The following CR1 variants were observed in gnomAD, a reference collection of about 807,000 sequenced individuals.
CR1 encodes the protein complement receptor type 1.
Under a neutral mutation model 187.3 loss-of-function variants are expected in CR1, and 116 were observed. The ratio of observed to expected loss-of-function variants is 0.62; its 90% CI spans 0.53 to 0.72. CR1 has a LOEUF of 0.72. Ranked by LOEUF, CR1 falls within the 30% of genes least tolerant of loss-of-function variation. The pLI is 0.00. For synonymous variants in CR1, 576 were observed against 747.1 expected, an observed-to-expected ratio of 0.77 and a Z score of 3.73; for missense variants, 1,731 against 2,110.7, an observed-to-expected ratio of 0.82 and a Z score of 3.52.
intron 35 of CR1, among the ~76,000 whole-genome samples, chr1:207,589,569 A>G (rs1159310134): frequency 6.6e-6 from 1 of 152,216 alleles, no homozygotes; most frequent in African/African-American, 2.4e-5. Flanking sequence ...AAAGGATCAC[A>G]ACTCCTTGCC....
intron 1 of CR1, among the ~76,000 whole-genome samples, chr1:207,502,286 A>AAAAGCAAAT (rs1659294684): frequency 6.6e-6 from 1 of 152,214 alleles, no homozygotes; most frequent in Non-Finnish European, 1.5e-5. Context: ...ACAATTATTG[A>AAAAGCAAAT]TATGAAAGGA....
chr1:207,599,289 A>C (rs1036576533), intron 35 of CR1, among the ~76,000 whole-genome samples: 6 of 152,240 alleles, frequency 3.9e-5, no homozygotes, highest in African/African-American at 1.4e-4. Flanking sequence ...GGGAAATGCA[A>C]ATTAAAGCAA....
chr1:207,506,683 T>C, intron 2 of CR1, 31 bp from the exon 3 acceptor site: 7 of 1,600,606 alleles, frequency 4.4e-6, no homozygotes, highest in Non-Finnish European at 6.0e-6. Context: ...TTTACTCTAC[T>C]TGGCTCCAAA....
chr1:207,526,479 C>CTG (rs1481848445), intron 5 of CR1, among the ~76,000 whole-genome samples: 1 of 150,834 alleles, frequency 6.6e-6, no homozygotes, highest in Non-Finnish European at 1.5e-5. Context: ...CTAGAAGGAA[C>CTG]TGTCCATTGT....
At chr1:207,608,312 CTGAT>C (rs1265913682) in intron 36 of CR1, among the ~76,000 whole-genome samples, 1 of 152,158 alleles carries the variant, frequency 6.6e-6, no homozygotes, top group African/African-American at 2.4e-5. Flanking sequence ...AGCTACATGA[CTGAT>C]TATTATTCAG....
chr1:207,591,906 A>G (rs186166809), intron 35 of CR1, among the ~76,000 whole-genome samples: 302 of 152,354 alleles, frequency 2.0e-3, no homozygotes, highest in Non-Finnish European at 3.1e-3. Flanking sequence ...AAGAAGTCGA[A>G]TCCCTGAATA....
intron 42 of CR1, among the ~76,000 whole-genome samples, chr1:207,619,376 CAAAAAAA>C (rs67078800): frequency 2.2e-5 from 2 of 92,656 alleles, no homozygotes; most frequent in Non-Finnish European, 4.4e-5. Context: ...CAGTGAGACT[CAAAAAAA>C]AAAAAAAAAA....
At chr1:207,633,120 C>T (rs1309774015) in intron 46 of CR1, among the ~76,000 whole-genome samples, 1 of 152,148 alleles carries the variant, frequency 6.6e-6, no homozygotes, top group Non-Finnish European at 1.5e-5. Context: ...ACTTTTCCGC[C>T]TTTCTTTCTA....
intron 1 of CR1, among the ~76,000 whole-genome samples, chr1:207,500,069 G>A (rs61822963): frequency 0.095 from 14,383 of 152,094 alleles, 779 homozygotes; most frequent in African/African-American, 0.15. Context: ...ATCACAACTC[G>A]ATGAAACCAA....
At chr1:207,500,351 G>A (rs756143846) in intron 1 of CR1, among the ~76,000 whole-genome samples, 1 of 151,966 alleles carries the variant, frequency 6.6e-6, no homozygotes, top group African/African-American at 2.4e-5. Context: ...ACTGATAGAG[G>A]TGCCTAAGCA....
chr1:207,522,990 T>C (rs1660044955), intron 4 of CR1, among the ~76,000 whole-genome samples: 1 of 152,142 alleles, frequency 6.6e-6, no homozygotes, highest in Non-Finnish European at 1.5e-5. Context: ...ATGAAATGAG[T>C]TGGTAAGCTT....
At chr1:207,514,344 G>A (rs1241681391) in intron 4 of CR1, among the ~76,000 whole-genome samples, 2 of 151,924 alleles carry the variant, frequency 1.3e-5, no homozygotes, top group Non-Finnish European at 2.9e-5. Flanking sequence ...AAAGTTGTGT[G>A]TTATGGTCTG....
intron 35 of CR1, chr1:207,606,320 G>A (rs995173263): frequency 7.2e-5 from 11 of 152,238 alleles, no homozygotes; most frequent in African/African-American, 2.7e-4. Flanking sequence ...GTAAGGAAAG[G>A]TGAGAAGTGA....
chr1:207,619,841 A>G (rs896521734), intron 42 of CR1, 39 bp from the exon 43 acceptor site: 18 of 1,525,960 alleles, frequency 1.2e-5, no homozygotes, highest in Admixed American at 4.1e-5. Context: ...GACAATCAAC[A>G]ATAAAATATC....
At chr1:207,564,793 C>G (rs1660441878) in intron 23 of CR1, among the ~76,000 whole-genome samples, 1 of 149,858 alleles carries the variant, frequency 6.7e-6, no homozygotes. Context: ...GAGTGAAACT[C>G]CATCTCAGGA....
chr1:207,573,155 G>A lies in CR1; in HGVS notation c.4452-2440G>A, dbSNP rs1052790640. On this transcript the variant is annotated intron_variant, in intron 27 of 46. Coordinates refer to ENST00000367049, the MANE Select transcript of CR1 (RefSeq NM_000651.6). Reference sequence around the variant, plus strand: ...CAGGCATCAGGTGCTCACAGCACACGGTCCAGCTGTTGGTGCTCACCCTTG... The same window carrying A: ...CAGGCATCAGGTGCTCACAGCACACAGTCCAGCTGTTGGTGCTCACCCTTG... Among the ~76,000 whole-genome samples the A allele has an allele frequency of 3.9e-5, 6 of 152,138 alleles. No individual in the cohort carries two copies. In the East Asian group the frequency reaches 5.8e-4, roughly 15 times the overall value.
At position 207,618,643 on chromosome 1, in the gene CR1, G is replaced by C. The variant is rs182833550; in HGVS notation, c.7066+396G>C. The stretch of plus-strand genomic sequence containing the variant: ...GGTTTGTATCTAGGAAAAAAATATT[G>C]TAGGCTTAATTTTGAGACTATTACA... On this transcript the variant is annotated intron_variant, in intron 42 of 46. Coordinates refer to ENST00000367049, the MANE Select transcript of CR1 (RefSeq NM_000651.6). Among the ~76,000 whole-genome samples, 63 of 152,260 alleles carry C rather than the reference G, an allele frequency of 4.1e-4. 2 individuals carry two copies. Among genetic ancestry groups the C allele is most frequent in the African/African-American group, 1.4e-3 (60 of 41,542 alleles).
rs1660720212 is a variant in CR1, at chr1:207,575,648, C to T, written c.4505C>T (p.Ala1502Val). The change falls in exon 28 of 47, where the codon GCC (alanine) becomes GTC (valine). Residue 1502 changes from alanine to valine, a missense_variant. Transcript: ENST00000367049. ...SAECILSGNT[A>V]HWSTKPPICQ... Reference sequence around the variant, plus strand: ...GAATGTATCCTCTCAGGCAATACTGCCCATTGGAGCACGAAGCCGCCAATT... The same window carrying T: ...GAATGTATCCTCTCAGGCAATACTGTCCATTGGAGCACGAAGCCGCCAATT... The T allele has an allele frequency of 1.9e-6, 3 of 1,611,678 alleles. No homozygotes were observed. The highest frequency in any genetic ancestry group is 2.2e-5 in the East Asian group (1 of 44,892).
chr1:207,581,521 GGTT>G (rs1180186035), intron 31 of CR1, among the ~76,000 whole-genome samples: 4 of 148,142 alleles, frequency 2.7e-5, no homozygotes, highest in African/African-American at 1.0e-4. Flanking sequence ...ATATTCTAGG[GGTT>G]GTTAAGAAAA....
Sources: gnomAD v4.1 joint callset for allele counts (sites outside exome capture counted in the v4.1 genomes callset) on GRCh38, gnomAD v4.1.1 for gene constraint, MANE v1.5 for transcripts, NCBI Gene and HGNC (gene_info 2026-07-23, HGNC 2026-07-21) for gene names.